Variants in ATP10B observed in about 807,000 individuals in gnomAD.
ATP10B encodes the protein phospholipid-transporting ATPase VB.
In ATP10B, 122 loss-of-function variants were observed where a neutral mutation model predicts 141.2. The observed-to-expected ratio is 0.86, with a 90% CI of 0.75 to 1.00. ATP10B has a LOEUF of 1.00. Ranked by LOEUF, ATP10B falls within the 50% of genes least tolerant of loss-of-function variation. ATP10B has a pLI of 0.00. For synonymous variants in ATP10B, 685 were observed against 692.0 expected (o/e 0.99, Z 0.16); for missense variants, 1,876 against 1,825.3 (o/e 1.03, Z -0.51).
chr5:160,620,517 C>G lies in ATP10B; in HGVS notation c.2246G>C (p.Arg749Pro). The G allele has an allele frequency of 6.2e-7, 1 of 1,614,102 alleles. No homozygotes were observed. Among genetic ancestry groups the G allele is most frequent in the Non-Finnish European group, 8.5e-7 (1 of 1,179,984 alleles). The change falls in exon 15 of 26, where the codon CGC (arginine) becomes CCC (proline). Residue 749 changes from arginine to proline, a missense_variant. Arg to Pro is a moderately radical substitution (Grantham distance 103). Coordinates refer to ENST00000327245, the MANE Select transcript of ATP10B (RefSeq NM_025153.3). The part of the protein sequence containing the change: ...VSRTPEQVTV[R>P]LPQGTCLTFS... ...GGTGAGGCAGGTGCCCTGGGGCAGGCGCACAGTCACCTGCTCAGGTGTCCG... is the reference window on the plus strand; with the variant it reads ...GGTGAGGCAGGTGCCCTGGGGCAGGGGCACAGTCACCTGCTCAGGTGTCCG...
chr5:160,906,269 T>C, the ATP10B span, among the ~76,000 whole-genome samples: 1 of 152,100 alleles, frequency 6.6e-6, no homozygotes, highest in Non-Finnish European at 1.5e-5. Context: ...CTTTGAGACA[T>C]TTCACTATAG....
intron 1 of ATP10B, among the ~76,000 whole-genome samples, chr5:160,802,531 A>G (rs1358376514): frequency 1.3e-5 from 2 of 152,182 alleles, no homozygotes; most frequent in African/African-American, 4.8e-5. Flanking sequence ...AATGCACAGA[A>G]CATTTCCCAC....
intron 2 of ATP10B, among the ~76,000 whole-genome samples, chr5:160,760,399 G>C (rs7725968): frequency 6.6e-6 from 1 of 151,980 alleles, no homozygotes; most frequent in Non-Finnish European, 1.5e-5. Flanking sequence ...AAGGCACTGC[G>C]ATTGCTCCTA....
Position 160,617,875 on chromosome 5 carries a change from T to A in ATP10B, c.2515A>T (p.Ile839Phe), listed in dbSNP as rs373665289. The A allele has an allele frequency of 2.7e-5, 44 of 1,613,900 alleles. No homozygotes were observed. The highest frequency in any genetic ancestry group is 3.5e-5 in the Non-Finnish European group (41 of 1,179,848). ...YARDGLRTLC[I>F]AKKVVSEEDF... Reference sequence around the variant, plus strand: ...GGAATTGTTCTTACCTTCTTGGCAATGCATAGTGTGCGCAGGCCATCTCTT... The same window carrying A: ...GGAATTGTTCTTACCTTCTTGGCAAAGCATAGTGTGCGCAGGCCATCTCTT... Residue 839 changes from isoleucine (I) to phenylalanine (F), a missense_variant, in exon 16 of 26, where the codon ATT (isoleucine) becomes TTT (phenylalanine). Ile to Phe is a conservative substitution (Grantham distance 21). Transcript: ENST00000327245.
At chr5:160,814,814 G>C (rs530793009) in intron 1 of ATP10B, among the ~76,000 whole-genome samples, 4 of 152,316 alleles carry the variant, frequency 2.6e-5, no homozygotes, top group African/African-American at 9.6e-5. Flanking sequence ...AGCCAGAAGA[G>C]AGTGGGGGCC....
the ATP10B span, among the ~76,000 whole-genome samples, chr5:160,874,010 G>T: frequency 2.0e-5 from 3 of 152,360 alleles, no homozygotes; most frequent in South Asian, 2.1e-4. Flanking sequence ...CAGCCCAGAA[G>T]TTCGAACTGG....
intron 2 of ATP10B, among the ~76,000 whole-genome samples, chr5:160,732,412 C>A (rs576437418): frequency 2.6e-5 from 4 of 152,222 alleles, no homozygotes; most frequent in African/African-American, 7.2e-5. Flanking sequence ...ATGTTTTCTT[C>A]TAGTAGTTTT....
chr5:160,769,364 G>C (rs1769710867), intron 2 of ATP10B, among the ~76,000 whole-genome samples: 1 of 152,140 alleles, frequency 6.6e-6, no homozygotes, highest in South Asian at 2.1e-4. Flanking sequence ...GAATTGGGAC[G>C]GGGCCCACAT....
At chr5:160,755,454 C>T (rs1028488068) in intron 2 of ATP10B, among the ~76,000 whole-genome samples, 2 of 151,998 alleles carry the variant, frequency 1.3e-5, no homozygotes, top group Admixed American at 1.3e-4. Context: ...CTATTACACA[C>T]CTAGGCTATA....
chr5:160,824,501 A>G (rs1254864117), intron 1 of ATP10B, among the ~76,000 whole-genome samples: 1 of 152,174 alleles, frequency 6.6e-6, no homozygotes, highest in Admixed American at 6.5e-5. Flanking sequence ...CAATGGGCCA[A>G]CAATCTGAGA....
chr5:160,912,317 C>T, the ATP10B span, among the ~76,000 whole-genome samples: 2,128 of 149,478 alleles, frequency 0.014, 84 homozygotes, highest in East Asian at 0.14. Flanking sequence ...TGGCTCACGC[C>T]TATAATCCCA....
chr5:160,810,470 ATTTG>A (rs1315207014), intron 1 of ATP10B, among the ~76,000 whole-genome samples: 7 of 152,074 alleles, frequency 4.6e-5, no homozygotes, highest in African/African-American at 1.7e-4. Flanking sequence ...ATTTATGAAG[ATTTG>A]TTTATGTCTA....
chr5:160,832,786 C>G (rs1775179652), intron 1 of ATP10B, among the ~76,000 whole-genome samples: 1 of 152,132 alleles, frequency 6.6e-6, no homozygotes, highest in Non-Finnish European at 1.5e-5. Flanking sequence ...ACTGCCACAG[C>G]TGTATCATCC....
At chr5:160,626,195 G>A (rs1758601612) in intron 13 of ATP10B, among the ~76,000 whole-genome samples, 1 of 152,182 alleles carries the variant, frequency 6.6e-6, no homozygotes, top group African/African-American at 2.4e-5. Context: ...TACATTTGTG[G>A]GGCCACCAGT....
chr5:160,801,374 T>A (rs900185944), intron 1 of ATP10B, among the ~76,000 whole-genome samples: 2 of 152,194 alleles, frequency 1.3e-5, no homozygotes, highest in Admixed American at 1.3e-4. Context: ...GTATCACCTA[T>A]CACCTTCAGC....
At chr5:160,885,127 T>C in the ATP10B span, among the ~76,000 whole-genome samples, 13 of 152,178 alleles carry the variant, frequency 8.5e-5, no homozygotes, top group Non-Finnish European at 1.6e-4. Flanking sequence ...AGGCAGAGTA[T>C]ATAAAAAGGG....
intron 25 of ATP10B, among the ~76,000 whole-genome samples, chr5:160,568,815 T>G (rs1754707188): frequency 6.6e-6 from 1 of 152,194 alleles, no homozygotes; most frequent in South Asian, 2.1e-4. Flanking sequence ...GCAAGGCATT[T>G]ATAGTTGCTG....
At chr5:160,853,781 T>G (rs1753923217), upstream of ATP10B, among the ~76,000 whole-genome samples, 1 of 152,132 alleles carries the variant, frequency 6.6e-6, no homozygotes, top group African/African-American at 2.4e-5. Context: ...AATAAACAAA[T>G]AATAGATAAG....
the ATP10B span, among the ~76,000 whole-genome samples, chr5:160,900,839 T>A: frequency 6.6e-6 from 1 of 151,054 alleles, no homozygotes; most frequent in South Asian, 2.1e-4. Context: ...GAACACATAT[T>A]ACTCATGTCA....
Sources: allele counts gnomAD v4.1 joint callset (sites outside exome capture counted in the v4.1 genomes callset), GRCh38; gene constraint gnomAD v4.1.1; transcripts MANE v1.5; gene names NCBI Gene and HGNC (gene_info 2026-07-23, HGNC 2026-07-21).